The following SIRT3 variants were observed in gnomAD, a reference collection of about 807,000 sequenced individuals.
SIRT3 encodes the protein sirtuin 3.
In SIRT3, 26 loss-of-function variants were observed where a neutral mutation model predicts 33.5. The observed-to-expected ratio is 0.78, with a 90% confidence interval of 0.57 to 1.08. SIRT3 has a LOEUF of 1.08. Among genes scored for constraint, SIRT3 ranks in the 50% least tolerant of loss-of-function variants. SIRT3 has a pLI of 0.00. For synonymous variants in SIRT3, 237 were observed against 222.1 expected, an observed-to-expected ratio of 1.07 and a Z score of -0.60; for missense variants, 585 against 530.1, an observed-to-expected ratio of 1.10 and a Z score of -1.02.
chr11:216,437 G>A lies in SIRT3; in HGVS notation c.*261C>T, dbSNP rs201715027. The A allele has an allele frequency of 1.9e-4, 93 of 482,784 alleles. No individual in the cohort carries two copies. In the East Asian group the frequency reaches 2.9e-3, roughly 15 times the overall value. 29.9% of individuals were successfully genotyped at this position (482,784 alleles called of 1,614,324 possible). A position where few individuals can be genotyped will look rare whatever the true frequency, so the allele number is the denominator to read the frequency against. On this transcript the variant is annotated 3_prime_UTR_variant, in exon 7 of 7. Transcript: ENST00000382743. ...AAAGCTTTTTCCATTAGGAGCTTCA[G>A]CAGAGTGAAGAGTTCAACACAGCAA...
chr11:234,721 ATTTGT>A (rs1294482120), intron 1 of SIRT3, among the ~76,000 whole-genome samples: 52 of 143,402 alleles, frequency 3.6e-4, no homozygotes, highest in Admixed American at 2.6e-3. Context: ...GGCCGCAAGG[ATTTGT>A]TTTAACAGTT....
In SIRT3 at chr11:236,254, C is replaced by G. The variant is rs1270781418; in HGVS notation, c.75G>C (p.Gly25=). Residue 25 remains glycine (G), a synonymous_variant, in exon 1 of 7, where the codon GGG becomes GGC. Coordinates refer to ENST00000382743, the MANE Select transcript of SIRT3 (RefSeq NM_012239.6). ...WGRVVERVEA[G]GGVGPFQACG... ...AGGCCTGAAACGGCCCCACGCCTCC[C>G]CCGGCCTCGACCCGTTCAACTACCC... 6.5e-7 allele frequency: 1 copy of G among 1,547,492 alleles called. No individual in the cohort carries two copies. The highest frequency in any genetic ancestry group is 1.9e-5 in the Admixed American group (1 of 52,288).
chr11:236,735 A>C (rs566583023), upstream of SIRT3: 1 of 454,140 alleles, frequency 2.2e-6, no homozygotes, highest in East Asian at 4.6e-5. Flanking sequence ...ATTTGACAGG[A>C]GCAATTCCGG....
intron 6 of SIRT3, among the ~76,000 whole-genome samples, chr11:217,973 A>C (rs1855888918): frequency 6.6e-6 from 1 of 152,216 alleles, no homozygotes; most frequent in Non-Finnish European, 1.5e-5. Flanking sequence ...TATAAAGGGC[A>C]GTTCCCCCGC....
At chr11:230,340 T>G (rs1416259736) in intron 4 of SIRT3, 112 bp downstream of exon 4, 9 of 501,316 alleles carry the variant, frequency 1.8e-5, no homozygotes, top group Middle Eastern at 3.0e-4. Context: ...ATAAAATGTT[T>G]CACACTATTA....
chr11:230,506 A>G lies in SIRT3; in HGVS notation c.753T>C (p.Phe251=). ...GGCAGACTGTGCAGGTGGCAGAGGC[A>G]AAGGTTCCATGAGCTTCAACCAGCT... The part of the protein sequence containing the change: ...ASKLVEAHGT[F]ASATCTVCQR... The change falls in exon 4 of 7, where the codon TTT becomes TTC. Residue 251 remains phenylalanine, a synonymous_variant. Coordinates refer to ENST00000382743, the MANE Select transcript of SIRT3 (RefSeq NM_012239.6). 1 of 1,540,590 alleles carries G rather than the reference A, an allele frequency of 6.5e-7. No individual in the cohort carries two copies. The highest frequency in any genetic ancestry group is 2.0e-5 in the Admixed American group (1 of 49,118).
intron 2 of SIRT3, 60 bp downstream of exon 2, chr11:233,283 T>TGGGGAGGGCAGGAGTCA: frequency 1.3e-6 from 2 of 1,599,870 alleles, no homozygotes; most frequent in South Asian, 2.2e-5. Flanking sequence ...AACTGGGCAG[T>TGGGGAGGGCAGGAGTCA]GGGGAGGGCA....
rs538060049 is a variant in SIRT3 at position 215,567 on chromosome 11, C to G, written c.*1131G>C. 6.6e-6 allele frequency: 1 copy of G among 152,188 alleles called. No homozygotes were observed. Among genetic ancestry groups the G allele is most frequent in the Non-Finnish European group, 1.5e-5 (1 of 68,038 alleles). The allele number at this position is 152,188 out of a possible 1,614,324, so 9.4% of individuals were successfully genotyped here. A position where few individuals can be genotyped will look rare whatever the true frequency, so the allele number is the denominator to read the frequency against. ...CTGTCATTAAATCTATTGCCGTCAG[C>G]TCAGCCCAGGGTAGGCAAGGTTCAA... On this transcript the variant is annotated 3_prime_UTR_variant, in exon 7 of 7. Transcript: ENST00000382743.
chr11:233,244 C>A, intron 2 of SIRT3, 29 bp from the exon 3 acceptor site: 1 of 1,607,828 alleles, frequency 6.2e-7, no homozygotes, highest in Non-Finnish European at 8.5e-7. Flanking sequence ...GGCTCTGAGG[C>A]CTTTGGAAGA....
intron 4 of SIRT3, among the ~76,000 whole-genome samples, chr11:227,353 G>C (rs1188818547): frequency 6.6e-6 from 1 of 151,608 alleles, no homozygotes. Flanking sequence ...CAAGAGAATC[G>C]CTTGAACCTG....
upstream of SIRT3, chr11:236,784 G>A: frequency 1.9e-6 from 1 of 537,664 alleles, no homozygotes; most frequent in Non-Finnish European, 3.3e-6. Context: ...TCCGTAGCGG[G>A]TTCGACCACA....
At chr11:233,629 C>T in intron 1 of SIRT3, 95 bp from the exon 2 acceptor site, 1 of 1,196,210 alleles carries the variant, frequency 8.4e-7, no homozygotes, top group Non-Finnish European at 1.2e-6. Context: ...ACCACCGCCA[C>T]CCTCGAGAAT....
chr11:226,433 G>C (rs1283909622), intron 4 of SIRT3, among the ~76,000 whole-genome samples: 1 of 152,042 alleles, frequency 6.6e-6, no homozygotes, highest in African/African-American at 2.4e-5. Context: ...TTTTGAGATG[G>C]CATCTCGCTC....
chr11:225,979 T>C (rs550372583), intron 4 of SIRT3: 15 of 152,154 alleles, frequency 9.9e-5, no homozygotes, highest in African/African-American at 3.6e-4. Context: ...TCTCAGGAGG[T>C]TTAGTAATTA....
intron 4 of SIRT3, among the ~76,000 whole-genome samples, chr11:227,911 T>A (rs1376502260): frequency 6.6e-6 from 1 of 152,206 alleles, no homozygotes; most frequent in Non-Finnish European, 1.5e-5. Flanking sequence ...CGTGAGCCAC[T>A]GTGCCCAGTC....
chr11:233,741 T>C (rs1025812487), intron 1 of SIRT3: 1 of 562,654 alleles, frequency 1.8e-6, no homozygotes, highest in African/African-American at 1.9e-5. Flanking sequence ...AAGACTTACT[T>C]GGGAGCAAAA....
chr11:223,756 A>G lies in SIRT3; in HGVS notation c.969+322T>C, dbSNP rs564154484. On this transcript the variant is annotated intron_variant, in intron 5 of 6. Transcript: ENST00000382743. The surrounding 1 kb of genome is among the most constrained non-coding windows in gnomAD (Gnocchi z 4.8). ...CCTGGAACCCCAGCTGAATCCATTC[A>G]CCTTCCCAAAGTGGCACCAGCCCTG... 2.0e-4 allele frequency: 193 copies of G among 966,534 alleles called. 1 individual carries two copies. The highest frequency in any genetic ancestry group is 2.8e-4 in the Non-Finnish European group (171 of 607,452). The allele number at this position is 966,534 out of a possible 1,614,324, so 59.9% of individuals were successfully genotyped here.
rs1856011925 is a variant in SIRT3 at position 218,838 on chromosome 11, A to C, written c.1173T>G (p.Thr391=). The C allele has an allele frequency of 6.2e-7, 1 of 1,614,114 alleles. No homozygotes were observed. The change falls in exon 6 of 7, where the codon ACT becomes ACG. Residue 391 remains threonine, a synonymous_variant. Transcript: ENST00000382743. ...CCTCCTCAGCAGTCTGTACCTTCCCAGTTTCCCGCTGCACAAGGTCCCGCA... is the reference window on the plus strand; with the variant it reads ...CCTCCTCAGCAGTCTGTACCTTCCCCGTTTCCCGCTGCACAAGGTCCCGCA... ...EEMRDLVQRE[T]GKLDGPDK
chr11:217,494 A>G (rs1192519175), intron 6 of SIRT3, among the ~76,000 whole-genome samples: 3 of 152,240 alleles, frequency 2.0e-5, no homozygotes, highest in African/African-American at 7.2e-5. Flanking sequence ...GGATCCCTCA[A>G]AAAAGCCTGC....
Sources: allele counts gnomAD v4.1 joint callset (sites outside exome capture counted in the v4.1 genomes callset), GRCh38; gene constraint gnomAD v4.1.1; non-coding constraint Gnocchi (gnomAD v3.1); transcripts MANE v1.5; gene names NCBI Gene and HGNC (gene_info 2026-07-23, HGNC 2026-07-21).